Variants in ERC1 observed in about 807,000 individuals in gnomAD.
ERC1 encodes RAB6 interacting protein 2.
In ERC1, 56 loss-of-function variants were observed where a neutral mutation model predicts 132.0. That is an observed-to-expected ratio of 0.42 (90% confidence interval 0.34 to 0.53). The LOEUF (loss-of-function observed/expected upper bound fraction) is 0.53, where lower values mean the gene tolerates loss of function less well. Ranked by LOEUF, ERC1 falls within the 20% of genes least tolerant of loss-of-function variation. The probability of loss-of-function intolerance (pLI) is 0.03; values close to 1 mark genes in which losing one functional copy is unlikely to be tolerated. For missense variants in ERC1, 1,202 were observed against 1,349.9 expected (o/e 0.89, Z 1.72); for synonymous variants, 478 against 476.1 (o/e 1.00, Z -0.05).
Position 1,444,546 on chromosome 12 carries a change from TA to T in ERC1, c.3025-15del, listed in dbSNP as rs769694735. 5.8e-6 allele frequency: 9 copies of T among 1,546,718 alleles called. No homozygotes were observed. In the East Asian group the frequency reaches 1.4e-4, roughly 23 times the overall value. ...TTCCTCATTTTATTTTATTTTATTT[TA>T]TTTTTTTGCCTTAGATCATCCAGCC... On this transcript the variant is annotated splice_polypyrimidine_tract_variant and intron_variant, in intron 17 of 18. Coordinates refer to ENST00000360905, the MANE Select transcript of ERC1 (RefSeq NM_178040.4).
chr12:1,240,970 C>T (rs997429363), intron 13 of ERC1, among the ~76,000 whole-genome samples: 1 of 152,086 alleles, frequency 6.6e-6, no homozygotes, highest in African/African-American at 2.4e-5. Flanking sequence ...TATACACGTT[C>T]CTCTTTTTCT....
intron 15 of ERC1, among the ~76,000 whole-genome samples, chr12:1,323,903 G>C (rs6489279): frequency 0.053 from 8,014 of 152,108 alleles, 319 homozygotes; most frequent in African/African-American, 0.11. Context: ...CCGTTTTACC[G>C]GAATTTCGCC....
At chr12:1,382,549 T>C (rs543894168) in intron 16 of ERC1, among the ~76,000 whole-genome samples, 17 of 152,372 alleles carry the variant, frequency 1.1e-4, no homozygotes, top group Admixed American at 1.0e-3. Flanking sequence ...GTGTTTGTTT[T>C]AACACAAATA....
chr12:1,474,772 C>T (rs949643208), intron 18 of ERC1, among the ~76,000 whole-genome samples: 1 of 152,146 alleles, frequency 6.6e-6, no homozygotes, highest in Non-Finnish European at 1.5e-5. Context: ...TGTAGCCAGT[C>T]GTAACCATGC....
chr12:1,460,435 A>G (rs1057395919), intron 18 of ERC1, among the ~76,000 whole-genome samples: 8 of 152,216 alleles, frequency 5.3e-5, no homozygotes, highest in Admixed American at 2.0e-4. Context: ...CCCCATGAGC[A>G]GTGCTGCCAG....
At chr12:1,207,592 G>A (rs1957460900) in intron 12 of ERC1, among the ~76,000 whole-genome samples, 1 of 152,188 alleles carries the variant, frequency 6.6e-6, no homozygotes. Context: ...TGCTGGTGTA[G>A]TAGTGTACTC....
intron 7 of ERC1, among the ~76,000 whole-genome samples, chr12:1,125,241 A>T (rs1318337586): frequency 1.3e-5 from 2 of 151,746 alleles, no homozygotes. Context: ...TGATCTGCCC[A>T]CCTTGGCCTC....
intron 2 of ERC1, among the ~76,000 whole-genome samples, chr12:1,039,545 AAAG>A (rs1325685270): frequency 2.6e-5 from 4 of 151,874 alleles, no homozygotes; most frequent in South Asian, 2.1e-4. Flanking sequence ...AAAAGAAAGA[AAAG>A]AAATATTTGG....
intron 15 of ERC1, among the ~76,000 whole-genome samples, chr12:1,320,940 A>T (rs2082077572): frequency 1.3e-5 from 2 of 152,188 alleles, no homozygotes; most frequent in Non-Finnish European, 2.9e-5. Flanking sequence ...TGACCTCGTG[A>T]TCCGCCTGCC....
At chr12:1,120,194 A>G (rs1371432750) in intron 7 of ERC1, among the ~76,000 whole-genome samples, 3 of 151,890 alleles carry the variant, frequency 2.0e-5, no homozygotes, top group Non-Finnish European at 4.4e-5. Context: ...GGGTCTCACT[A>G]TGTTGCCCAG....
At position 1,494,877 on chromosome 12, in the gene ERC1, C is replaced by G. The variant is rs2094346414; in HGVS notation, c.*4647C>G. ...TAATAAAGGAATTCAAGCTATGGGG[C>G]AGCCACACTCCCCTCCTCCCAGGCT... On this transcript the variant is annotated 3_prime_UTR_variant, in exon 19 of 19. Transcript: ENST00000360905. The G allele has an allele frequency of 4.3e-6, 1 of 230,684 alleles. No individual in the cohort carries two copies. The highest frequency in any genetic ancestry group is 8.6e-6 in the Non-Finnish European group (1 of 116,380). The allele number at this position is 230,684 out of a possible 1,614,324, so 14.3% of individuals were successfully genotyped here.
At chr12:991,159 G>A (rs1362580312), upstream of ERC1, 2 of 150,162 alleles carry the variant, frequency 1.3e-5, no homozygotes, top group Admixed American at 6.7e-5. Context: ...GGCGCGCTGC[G>A]CCCCGCGGCG....
rs2094327198 is a variant in ERC1, at chr12:1,492,605, CG to C, written c.*2377del. ...CTCCATCACTTCCCCTCCAGAAAAA[CG>C]GATGGAAGGAAGCCCTCTGTGACAC... On this transcript the variant is annotated 3_prime_UTR_variant, in exon 19 of 19. Transcript: ENST00000360905. 1.3e-5 allele frequency: 3 copies of C among 232,992 alleles called. No homozygotes were observed. Among genetic ancestry groups the C allele is most frequent in the Non-Finnish European group, 8.5e-6 (1 of 117,950 alleles). The allele number at this position is 232,992 out of a possible 1,614,324, so 14.4% of individuals were successfully genotyped here. A position where few individuals can be genotyped will look rare whatever the true frequency, so the allele number is the denominator to read the frequency against.
At chr12:1,062,846 T>G (rs1444388022) in intron 2 of ERC1, among the ~76,000 whole-genome samples, 2 of 152,240 alleles carry the variant, frequency 1.3e-5, no homozygotes, top group Admixed American at 1.3e-4. Flanking sequence ...GATCTATGTC[T>G]CTAGCTCTAA....
chr12:1,274,810 A>T (rs959505981), intron 14 of ERC1, among the ~76,000 whole-genome samples: 1 of 152,190 alleles, frequency 6.6e-6, no homozygotes, highest in Non-Finnish European at 1.5e-5. Context: ...CTCTTAACAC[A>T]TTGATACTTA....
chr12:1,321,917 T>C (rs939382176), intron 15 of ERC1, among the ~76,000 whole-genome samples: 2 of 152,190 alleles, frequency 1.3e-5, no homozygotes, highest in African/African-American at 4.8e-5. Flanking sequence ...ATTACATCTT[T>C]AGAATACAGG....
intron 2 of ERC1, among the ~76,000 whole-genome samples, chr12:1,049,741 T>C (rs938401362): frequency 6.7e-6 from 1 of 149,352 alleles, no homozygotes; most frequent in African/African-American, 2.5e-5. Flanking sequence ...ACCAGTGTTT[T>C]GTGATCTTTT....
intron 15 of ERC1, among the ~76,000 whole-genome samples, chr12:1,367,310 G>A (rs2086754969): frequency 6.6e-6 from 1 of 152,158 alleles, no homozygotes; most frequent in African/African-American, 2.4e-5. Flanking sequence ...TACTTATCTT[G>A]TTCTAGTTTT....
At chr12:1,264,742 C>T (rs1458952868) in intron 14 of ERC1, among the ~76,000 whole-genome samples, 1 of 152,042 alleles carries the variant, frequency 6.6e-6, no homozygotes, top group Non-Finnish European at 1.5e-5. Flanking sequence ...GTTTCCTTTC[C>T]ATTTCTTTGT....
Sources: allele counts gnomAD v4.1 joint callset (sites outside exome capture counted in the v4.1 genomes callset), GRCh38; gene constraint gnomAD v4.1.1; transcripts MANE v1.5; gene names NCBI Gene and HGNC (gene_info 2026-07-23, HGNC 2026-07-21).